Variants in TMEM209 observed in about 807,000 individuals in gnomAD.
The protein encoded by TMEM209 is transmembrane protein 209.
Under a neutral mutation model 76.2 loss-of-function variants are expected in TMEM209, and 65 were observed. The ratio of observed to expected loss-of-function variants is 0.85; its 90% CI spans 0.70 to 1.05. The LOEUF (loss-of-function observed/expected upper bound fraction) is 1.05, where lower values mean the gene tolerates loss of function less well. Among genes scored for constraint, TMEM209 ranks in the 50% least tolerant of loss-of-function variants. TMEM209 has a pLI of 0.00. For missense variants in TMEM209, 623 were observed against 685.5 expected (o/e 0.91, Z 1.02); for synonymous variants, 239 against 237.6 (o/e 1.01, Z -0.06).
intron 13 of TMEM209, among the ~76,000 whole-genome samples, chr7:130,171,442 T>C (rs921230190): frequency 6.6e-6 from 1 of 150,852 alleles, no homozygotes; most frequent in African/African-American, 2.4e-5. Context: ...CTCAAGAATC[T>C]GAGAGAATGT....
rs146426535 is a variant in TMEM209, at chr7:130,202,879, G to A, written c.200-216C>T. On this transcript the variant is annotated intron_variant, in intron 3 of 14. Coordinates refer to ENST00000397622, the MANE Select transcript of TMEM209 (RefSeq NM_032842.4). ...TGAGGCGAGTGGATCACCTGAGGTC[G>A]GGAGTTTGAGACCAGCCTGGCCAAC... 3.4e-3 allele frequency among the ~76,000 whole-genome samples: 512 copies of A among 152,058 alleles called. 2 individuals are homozygous for A. Among genetic ancestry groups the A allele is most frequent in the Non-Finnish European group, 5.6e-3 (381 of 67,988 alleles).
At chr7:130,169,960 C>T (rs921631466) in intron 14 of TMEM209, among the ~76,000 whole-genome samples, 6 of 152,078 alleles carry the variant, frequency 3.9e-5, no homozygotes, top group African/African-American at 7.2e-5. Context: ...AGTATGTAAA[C>T]GATTTCAACT....
rs1419633030 is a variant in TMEM209, at chr7:130,200,966, G to A, written c.573+884C>T. On this transcript the variant is annotated intron_variant, in intron 5 of 14. Transcript: ENST00000397622. ...TAGCCGGGCACGGTGGTGGACGCCT[G>A]TAGTCCCAGCTACTCGGGAGGCTGA... Among the ~76,000 whole-genome samples, 6 of 151,954 alleles carry A rather than the reference G, an allele frequency of 3.9e-5. No homozygotes were observed. In the East Asian group the frequency reaches 1.2e-3, roughly 29 times the overall value.
In TMEM209 at chr7:130,201,881, AC is replaced by A. The variant is rs1286919413; in HGVS notation, c.541del (p.Val181Ter). ...SGGSGSYSPG[V>X]TYSPVSGYNK... ...ATAACCACTGACGGGCGAGTAGGTC[AC>A]TCCAGGGCTATAAGAACCACTGCCA... On this transcript the variant is annotated frameshift_variant, in exon 5 of 15. Coordinates refer to ENST00000397622, the MANE Select transcript of TMEM209 (RefSeq NM_032842.4). LOFTEE classifies it high-confidence loss of function. 4 of 1,613,882 alleles carry A rather than the reference AC, an allele frequency of 2.5e-6. No homozygotes were observed. The highest frequency in any genetic ancestry group is 3.4e-6 in the Non-Finnish European group (4 of 1,179,882).
intron 14 of TMEM209, among the ~76,000 whole-genome samples, chr7:130,167,711 T>C (rs1796925781): frequency 6.6e-6 from 1 of 152,150 alleles, no homozygotes; most frequent in African/African-American, 2.4e-5. Flanking sequence ...CTTTTGCAAG[T>C]AGAACATTCA....
intron 5 of TMEM209, among the ~76,000 whole-genome samples, chr7:130,199,313 G>A (rs989172068): frequency 6.6e-6 from 1 of 151,962 alleles, no homozygotes; most frequent in African/African-American, 2.4e-5. Context: ...CGCCTTCCTG[G>A]TTCACGCCAT....
intron 5 of TMEM209, among the ~76,000 whole-genome samples, chr7:130,193,750 G>A (rs909018322): frequency 3.3e-5 from 5 of 152,050 alleles, no homozygotes; most frequent in Non-Finnish European, 7.4e-5. Context: ...AATAAATGGT[G>A]CAGTTTCATT....
chr7:130,194,935 C>A (rs1351049186), intron 5 of TMEM209, among the ~76,000 whole-genome samples: 1 of 152,024 alleles, frequency 6.6e-6, no homozygotes, highest in African/African-American at 2.4e-5. Flanking sequence ...AAGGTTAATC[C>A]TCTTCCACAC....
In TMEM209 at chr7:130,205,383, G is replaced by A; in HGVS notation, c.-8C>T. On this transcript the variant is annotated 5_prime_UTR_variant, in exon 1 of 15. Coordinates refer to ENST00000397622, the MANE Select transcript of TMEM209 (RefSeq NM_032842.4). ...ACCCCGAAAACGCACCATGTCCTCT[G>A]GCCGGAAAACGCAGGCTCGCGCCAC... 4.3e-6 allele frequency: 7 copies of A among 1,613,952 alleles called. No homozygotes were observed. The highest frequency in any genetic ancestry group is 5.9e-6 in the Non-Finnish European group (7 of 1,179,912).
rs757794920 is a variant in TMEM209, at chr7:130,185,316, C to G, written c.827G>C (p.Ser276Thr). The change falls in exon 7 of 15, where the codon AGT becomes ACT. Residue 276 changes from serine to threonine, a missense_variant. Physicochemically the swap from Ser to Thr is moderately conservative, Grantham distance 58. Coordinates refer to ENST00000397622, the MANE Select transcript of TMEM209 (RefSeq NM_032842.4). Reference sequence around the variant, plus strand: ...TTGTGCATAATCCCCCATAGAACGACTATAGTTCCAGAAAGTAGGACTGCT... The same window carrying G: ...TTGTGCATAATCCCCCATAGAACGAGTATAGTTCCAGAAAGTAGGACTGCT... ...PSSSPTFWNY[S>T]RSMGDYAQTL... 8.1e-6 allele frequency: 13 copies of G among 1,613,844 alleles called. No individual in the cohort carries two copies. The highest frequency in any genetic ancestry group is 1.1e-5 in the Non-Finnish European group (13 of 1,179,872).
rs748457279 is a variant in TMEM209 at position 130,202,081 on chromosome 7, A to T, written c.342T>A (p.Thr114=). ...LLGLKTAVVQ[T]TPPHDLAATQ... is the part of the protein sequence containing the mutation. ...TTGCTGCCAGATCATGTGGAGGCGT[A>T]GTCTGTACAACTAGAAGGAAAAAAA... is the stretch of plus-strand genomic sequence containing the variant. The change falls in exon 5 of 15, where the codon ACT becomes ACA. Residue 114 remains threonine (T), a synonymous_variant. Transcript: ENST00000397622. The T allele has an allele frequency of 6.2e-7, 1 of 1,611,680 alleles. No individual in the cohort carries two copies. Among genetic ancestry groups the T allele is most frequent in the Admixed American group, 1.7e-5 (1 of 59,814 alleles).
At chr7:130,169,682 G>A (rs1458578654) in intron 14 of TMEM209, among the ~76,000 whole-genome samples, 1 of 151,936 alleles carries the variant, frequency 6.6e-6, no homozygotes, top group African/African-American at 2.4e-5. Context: ...ACTTAAAGAC[G>A]CATGCATATC....
At chr7:130,178,639 C>A in intron 9 of TMEM209, 112 bp from the exon 10 acceptor site, 1 of 1,267,444 alleles carries the variant, frequency 7.9e-7, no homozygotes, top group Non-Finnish European at 1.1e-6. Context: ...ACCTTCAGGT[C>A]TTCATACAAG....
chr7:130,204,083 A>G lies in TMEM209; in HGVS notation c.31T>C (p.Ser11Pro). Reference sequence around the variant, plus strand: ...ATCTTGATGGTTCTGTCAATAAGGGAAGCACTAGGGTGTGCCTCCCCCTGC... The same window carrying G: ...ATCTTGATGGTTCTGTCAATAAGGGGAGCACTAGGGTGTGCCTCCCCCTGC... MMQGEAHPSA[S>P]LIDRTIKMRK... is the part of the protein sequence containing the mutation. Residue 11 changes from serine to proline, a missense_variant, in exon 2 of 15, where the codon TCC (serine) becomes CCC (proline). Transcript: ENST00000397622. 1 of 1,612,498 alleles carries G rather than the reference A, an allele frequency of 6.2e-7. No individual in the cohort carries two copies. The highest frequency in any genetic ancestry group is 8.5e-7 in the Non-Finnish European group (1 of 1,179,262).
At position 130,201,858 on chromosome 7, in the gene TMEM209, A is replaced by C. The variant is rs1486827964; in HGVS notation, c.565T>G (p.Tyr189Asp). ...PGVTYSPVSG[Y>D]NKLASFSPSP... ...GAGAAGAGAGTCATTACCTTATTAT[A>C]ACCACTGACGGGCGAGTAGGTCACT... The change falls in exon 5 of 15, where the codon TAT becomes GAT. Residue 189 changes from tyrosine to aspartate, a missense_variant. Transcript: ENST00000397622. The C allele has an allele frequency of 6.2e-7, 1 of 1,613,864 alleles. No individual in the cohort carries two copies. The highest frequency in any genetic ancestry group is 1.3e-5 in the African/African-American group (1 of 74,934).
At chr7:130,184,316 ATT>A in intron 7 of TMEM209, 61 bp from the exon 8 acceptor site, 3 of 1,218,854 alleles carry the variant, frequency 2.5e-6, no homozygotes, top group Non-Finnish European at 3.4e-6. Flanking sequence ...AGAAATCATC[ATT>A]CTTTCTCCCA....
chr7:130,183,100 A>G (rs1240169360), intron 8 of TMEM209, among the ~76,000 whole-genome samples: 2 of 152,206 alleles, frequency 1.3e-5, no homozygotes, highest in Non-Finnish European at 2.9e-5. Flanking sequence ...TCTTCTAAGT[A>G]GCTAATACTC....
intron 14 of TMEM209, among the ~76,000 whole-genome samples, 155 bp from the exon 15 acceptor site, chr7:130,166,660 C>T (rs955197615): frequency 1.3e-5 from 2 of 152,178 alleles, no homozygotes; most frequent in East Asian, 3.9e-4. Flanking sequence ...AGGTGAATTC[C>T]AGTAACAGTA....
Position 130,202,667 on chromosome 7 carries a change from G to T in TMEM209, c.200-4C>A, listed in dbSNP as rs778286153. 6.2e-7 allele frequency: 1 copy of T among 1,609,550 alleles called. No individual in the cohort carries two copies. Among genetic ancestry groups the T allele is most frequent in the African/African-American group, 1.3e-5 (1 of 74,616 alleles). On this transcript the variant is annotated splice_polypyrimidine_tract_variant and splice_region_variant and intron_variant, in intron 3 of 14. Coordinates refer to ENST00000397622, the MANE Select transcript of TMEM209 (RefSeq NM_032842.4). ...AAGAGAGATGCAAGGGCAAGCTCTGGAAGAGAACAATTTTTTTTTAATAAG... is the reference window on the plus strand; with the variant it reads ...AAGAGAGATGCAAGGGCAAGCTCTGTAAGAGAACAATTTTTTTTTAATAAG...
Sources: gnomAD v4.1 joint callset for allele counts (sites outside exome capture counted in the v4.1 genomes callset) on GRCh38, gnomAD v4.1.1 for gene constraint, MANE v1.5 for transcripts, NCBI Gene and HGNC (gene_info 2026-07-23, HGNC 2026-07-21) for gene names.